CHN2: variants seen among roughly 807,000 people sequenced by gnomAD.
CHN2 encodes the protein beta-chimaerin.
Under a neutral mutation model 56.3 loss-of-function variants are expected in CHN2, and 35 were observed. That is an observed-to-expected ratio of 0.62 (90% CI 0.47 to 0.82). The LOEUF (loss-of-function observed/expected upper bound fraction) is 0.82. Ranked by LOEUF, CHN2 falls within the 40% of genes least tolerant of loss-of-function variation. CHN2 has a pLI of 0.00. For missense variants in CHN2, 491 were observed against 580.5 expected (o/e 0.85, Z 1.58); for synonymous variants, 210 against 212.8 (o/e 0.99, Z 0.12).
chr7:29,319,006 T>C (rs1426307035), intron 1 of CHN2, among the ~76,000 whole-genome samples: 1 of 152,160 alleles, frequency 6.6e-6, no homozygotes, highest in Non-Finnish European at 1.5e-5. Flanking sequence ...GCTGACTTGT[T>C]CTCCACTCTT....
intron 4 of CHN2, among the ~76,000 whole-genome samples, chr7:29,394,468 C>T (rs1393385757): frequency 6.6e-6 from 1 of 152,212 alleles, no homozygotes; most frequent in Non-Finnish European, 1.5e-5. Context: ...CAGCCAATCT[C>T]AAACCTTCCT....
intron 6 of CHN2, among the ~76,000 whole-genome samples, chr7:29,458,625 T>C (rs1784939954): frequency 6.6e-6 from 1 of 152,130 alleles, no homozygotes; most frequent in Admixed American, 6.5e-5. Flanking sequence ...ACTTTAGAAG[T>C]GAGGAAAGTG....
chr7:29,235,554 A>G (rs1042623464), intron 1 of CHN2, among the ~76,000 whole-genome samples: 2 of 152,252 alleles, frequency 1.3e-5, no homozygotes, highest in Non-Finnish European at 2.9e-5. Context: ...CCCCCAAAAT[A>G]TAAATCATTC....
intron 2 of CHN2, among the ~76,000 whole-genome samples, chr7:29,175,420 C>T (rs1797176499): frequency 6.6e-6 from 1 of 152,102 alleles, no homozygotes; most frequent in African/African-American, 2.4e-5. Context: ...GGGTTTTCTG[C>T]CCGCCTCGGC....
chr7:29,221,056 C>T (rs1785755044), intron 1 of CHN2, among the ~76,000 whole-genome samples: 1 of 152,072 alleles, frequency 6.6e-6, no homozygotes, highest in Non-Finnish European at 1.5e-5. Flanking sequence ...TTTGATTCCG[C>T]ACTTGGTTAT....
chr7:29,507,434 A>AT, intron 11 of CHN2, 69 bp downstream of exon 11: 5 of 1,182,730 alleles, frequency 4.2e-6, no homozygotes, highest in Non-Finnish European at 6.1e-6. Flanking sequence ...CCTTCAGATA[A>AT]TTAAAACTCA....
At chr7:29,335,147 C>G (rs1217499114) in intron 1 of CHN2, among the ~76,000 whole-genome samples, 1 of 152,176 alleles carries the variant, frequency 6.6e-6, no homozygotes, top group Non-Finnish European at 1.5e-5. Context: ...CTGGAGCCAT[C>G]TATTTAGGGT....
intron 1 of CHN2, among the ~76,000 whole-genome samples, chr7:29,241,407 G>A (rs1190682951): frequency 1.7e-4 from 26 of 152,172 alleles, no homozygotes; most frequent in Non-Finnish European, 1.2e-4. Flanking sequence ...TGGGGGCCAG[G>A]CTCCTCCCCA....
chr7:29,177,636 TTATC>T (rs1320768327), intron 2 of CHN2, among the ~76,000 whole-genome samples: 2 of 151,946 alleles, frequency 1.3e-5, no homozygotes, highest in Admixed American at 1.3e-4. Context: ...TTCCATCTGT[TTATC>T]TATCTGTCCA....
At chr7:29,221,492 A>G (rs571625423) in intron 1 of CHN2, among the ~76,000 whole-genome samples, 1 of 152,048 alleles carries the variant, frequency 6.6e-6, no homozygotes, top group Admixed American at 6.5e-5. Flanking sequence ...TCCGGGATGT[A>G]TGTGTAGGAT....
Position 29,496,056 on chromosome 7 carries a change from C to T in CHN2, c.739+20C>T. On this transcript the variant is annotated intron_variant, in intron 8 of 12. Coordinates refer to ENST00000222792, the MANE Select transcript of CHN2 (RefSeq NM_004067.4). ...GCTCAGGTAGACACAGAACTTTCTT[C>T]TTTTCCAATTATATGAAATGCCACT... 1 of 1,590,610 alleles carries T rather than the reference C, an allele frequency of 6.3e-7. No individual in the cohort carries two copies. The highest frequency in any genetic ancestry group is 8.6e-7 in the Non-Finnish European group (1 of 1,166,050).
At chr7:29,333,198 G>T (rs1008107301) in intron 1 of CHN2, among the ~76,000 whole-genome samples, 1 of 152,118 alleles carries the variant, frequency 6.6e-6, no homozygotes, top group Non-Finnish European at 1.5e-5. Flanking sequence ...GGTGTACAGA[G>T]CAGCAATGGG....
chr7:29,213,201 C>T, intron 1 of CHN2: 1 of 1,249,682 alleles, frequency 8.0e-7, no homozygotes, highest in Non-Finnish European at 1.2e-6. Context: ...GAACACGCAA[C>T]CTGAAGATGT....
chr7:29,437,320 T>G (rs7782846), intron 6 of CHN2, among the ~76,000 whole-genome samples: 1 of 102,972 alleles, frequency 9.7e-6, no homozygotes, highest in South Asian at 2.7e-4. Context: ...TAAAACCGGC[T>G]GGGCGCGGTG....
chr7:29,258,786 T>C (rs1789287245), intron 1 of CHN2, among the ~76,000 whole-genome samples: 1 of 152,234 alleles, frequency 6.6e-6, no homozygotes, highest in South Asian at 2.1e-4. Flanking sequence ...CTGATGAGTG[T>C]GTAGAACTTA....
chr7:29,264,824 A>AGG (rs2128837588), intron 1 of CHN2, among the ~76,000 whole-genome samples: 1 of 152,130 alleles, frequency 6.6e-6, no homozygotes, highest in African/African-American at 2.4e-5. Context: ...AAAGGGGAAA[A>AGG]AAAAAAAAAG....
At chr7:29,241,210 A>C (rs1252955132) in intron 1 of CHN2, among the ~76,000 whole-genome samples, 1 of 152,082 alleles carries the variant, frequency 6.6e-6, no homozygotes, top group Non-Finnish European at 1.5e-5. Flanking sequence ...GTTCAGTCAG[A>C]GACGGGGTTC....
intron 1 of CHN2, among the ~76,000 whole-genome samples, chr7:29,308,795 G>A (rs745854445): frequency 3.3e-5 from 5 of 152,168 alleles, no homozygotes; most frequent in African/African-American, 4.8e-5. Flanking sequence ...TCTTATAACC[G>A]TGCTAAGCAG....
chr7:29,237,772 T>C (rs920223754), intron 1 of CHN2, among the ~76,000 whole-genome samples: 54 of 152,142 alleles, frequency 3.5e-4, no homozygotes, highest in African/African-American at 1.2e-3. Context: ...GAGAGATGCA[T>C]ATAGGAGACC....
Sources: allele counts gnomAD v4.1 joint callset (sites outside exome capture counted in the v4.1 genomes callset), GRCh38; gene constraint gnomAD v4.1.1; transcripts MANE v1.5; gene names NCBI Gene and HGNC (gene_info 2026-07-23, HGNC 2026-07-21).